The following CNTN5 variants were observed in gnomAD, a reference collection of about 807,000 sequenced individuals.
CNTN5 encodes contactin-5.
Under a neutral mutation model 129.1 loss-of-function variants are expected in CNTN5, and 77 were observed. The ratio of observed to expected loss-of-function variants is 0.60; its 90% CI spans 0.50 to 0.72. The LOEUF (loss-of-function observed/expected upper bound fraction) is 0.72, where lower values mean the gene tolerates loss of function less well. Among genes scored for constraint, CNTN5 ranks in the 30% least tolerant of loss-of-function variants. CNTN5 has a pLI of 0.00. For synonymous variants in CNTN5, 509 were observed against 465.6 expected (o/e 1.09, Z -1.20); for missense variants, 1,478 against 1,328.8 (o/e 1.11, Z -1.75).
chr11:99,253,345 C>G (rs1015500516), intron 1 of CNTN5, among the ~76,000 whole-genome samples: 4 of 152,052 alleles, frequency 2.6e-5, no homozygotes, highest in Non-Finnish European at 4.4e-5. Context: ...TATAAATTAC[C>G]CAGTCTCAGA....
At chr11:100,343,044 A>G (rs1449905522) in intron 23 of CNTN5, among the ~76,000 whole-genome samples, 1 of 152,202 alleles carries the variant, frequency 6.6e-6, no homozygotes, top group Non-Finnish European at 1.5e-5. Flanking sequence ...TCATTAAAAA[A>G]CAGATACCAT....
intron 23 of CNTN5, among the ~76,000 whole-genome samples, chr11:100,347,939 AC>A (rs1952322757): frequency 6.6e-6 from 1 of 152,052 alleles, no homozygotes; most frequent in African/African-American, 2.4e-5. Flanking sequence ...TCAATATTCT[AC>A]TACCATCAAA....
At chr11:99,864,959 C>A (rs1446923117) in intron 6 of CNTN5, among the ~76,000 whole-genome samples, 1 of 152,112 alleles carries the variant, frequency 6.6e-6, no homozygotes, top group Non-Finnish European at 1.5e-5. Context: ...CAATCATTGG[C>A]ATATAATAAA....
Position 100,027,039 on chromosome 11 carries a change from T to C in CNTN5, c.980+24903T>C, listed in dbSNP as rs75539134. ...GGATTTAAAAAAAAAATCTCTTCCA[T>C]AGTTGTACTTAACATGTTAAGTATT... is the stretch of plus-strand genomic sequence containing the variant. On this transcript the variant is annotated intron_variant, in intron 9 of 24. Coordinates refer to ENST00000524871, the MANE Select transcript of CNTN5 (RefSeq NM_014361.4). Among the ~76,000 whole-genome samples, 921 of 152,242 alleles carry C rather than the reference T, an allele frequency of 6.0e-3. 13 individuals carry two copies. The highest frequency in any genetic ancestry group is 0.021 in the African/African-American group (866 of 41,566).
intron 3 of CNTN5, among the ~76,000 whole-genome samples, chr11:99,771,694 A>G (rs955756497): frequency 6.6e-6 from 1 of 152,020 alleles, no homozygotes; most frequent in African/African-American, 2.4e-5. Flanking sequence ...AATCAATTAG[A>G]AGATGACCAC....
At chr11:99,648,297 G>T (rs1274177725) in intron 3 of CNTN5, among the ~76,000 whole-genome samples, 2 of 151,752 alleles carry the variant, frequency 1.3e-5, no homozygotes, top group African/African-American at 4.8e-5. Flanking sequence ...CATGGTTTTG[G>T]CCAATAAATT....
chr11:99,136,179 A>G (rs951056490), intron 1 of CNTN5, among the ~76,000 whole-genome samples: 3 of 151,980 alleles, frequency 2.0e-5, no homozygotes, highest in Non-Finnish European at 4.4e-5. Flanking sequence ...CTAAATTACC[A>G]TTTGTGTCCT....
Position 100,341,101 on chromosome 11 carries a change from C to G in CNTN5, c.2926C>G (p.Gln976Glu). ...CACTTTTTATTTTGCAGCTCCTAGT[C>G]AAGCACCTAGCAACCTCAGGTGGGA... The part of the protein sequence containing the change: ...SATTKKSPPS[Q>E]APSNLRWEQQ... Residue 976 changes from glutamine (Q) to glutamate (E), a missense_variant, in exon 23 of 25, where the codon CAA (glutamine) becomes GAA (glutamate). Gln to Glu is a conservative substitution (Grantham distance 29). Transcript: ENST00000524871. 1 of 1,612,502 alleles carries G rather than the reference C, an allele frequency of 6.2e-7. No homozygotes were observed. Among genetic ancestry groups the G allele is most frequent in the Non-Finnish European group, 8.5e-7 (1 of 1,178,580 alleles).
At chr11:99,697,077 A>G (rs898174461) in intron 3 of CNTN5, among the ~76,000 whole-genome samples, 2 of 152,002 alleles carry the variant, frequency 1.3e-5, no homozygotes, top group African/African-American at 4.8e-5. Flanking sequence ...AAAAAATAGT[A>G]TGAATTAATA....
chr11:99,591,082 G>T (rs1949964052), intron 3 of CNTN5, among the ~76,000 whole-genome samples: 1 of 152,088 alleles, frequency 6.6e-6, no homozygotes, highest in Non-Finnish European at 1.5e-5. Context: ...TGCTGCCTTT[G>T]ATGTAACATC....
At chr11:99,407,442 C>T (rs926092877) in intron 2 of CNTN5, among the ~76,000 whole-genome samples, 1 of 64,774 alleles carries the variant, frequency 1.5e-5, no homozygotes, top group Non-Finnish European at 2.6e-5. Flanking sequence ...AAGGCAAAGT[C>T]CTTCCACTCT....
chr11:99,338,969 T>TTGTG (rs201548132), intron 2 of CNTN5, among the ~76,000 whole-genome samples: 7 of 86,444 alleles, frequency 8.1e-5, no homozygotes, highest in South Asian at 4.1e-4. Context: ...ATGTGTGTGT[T>TTGTG]TGTGTGTGTG....
chr11:99,532,947 G>T (rs1257867569), intron 2 of CNTN5, among the ~76,000 whole-genome samples: 4 of 152,236 alleles, frequency 2.6e-5, no homozygotes, highest in African/African-American at 7.2e-5. Context: ...TTGGGGCTGG[G>T]CACGGTGGCT....
chr11:99,222,503 T>G (rs891240068), intron 1 of CNTN5, among the ~76,000 whole-genome samples: 7 of 152,066 alleles, frequency 4.6e-5, no homozygotes, highest in Non-Finnish European at 1.0e-4. Context: ...ATGATTAAAA[T>G]AGAATTTTCA....
chr11:99,979,833 C>T (rs1938221820), intron 8 of CNTN5, among the ~76,000 whole-genome samples: 1 of 152,136 alleles, frequency 6.6e-6, no homozygotes, highest in African/African-American at 2.4e-5. Flanking sequence ...CATTATTCAT[C>T]ATTGTGGAGA....
intron 3 of CNTN5, among the ~76,000 whole-genome samples, chr11:99,645,558 A>G (rs1054519259): frequency 2.6e-5 from 4 of 152,110 alleles, no homozygotes; most frequent in Non-Finnish European, 5.9e-5. Flanking sequence ...CCAAATGTCC[A>G]TTAATGATAG....
chr11:99,234,480 T>C (rs994336500), intron 1 of CNTN5, among the ~76,000 whole-genome samples: 5 of 152,184 alleles, frequency 3.3e-5, no homozygotes, highest in African/African-American at 1.2e-4. Flanking sequence ...TTGTTACTTT[T>C]ATTAAGTTCT....
intron 1 of CNTN5, among the ~76,000 whole-genome samples, chr11:99,183,625 T>G (rs1450785702): frequency 6.6e-6 from 1 of 152,118 alleles, no homozygotes; most frequent in Non-Finnish European, 1.5e-5. Flanking sequence ...ACCCCTAAAG[T>G]GCTGGTATTC....
intron 3 of CNTN5, among the ~76,000 whole-genome samples, chr11:99,767,267 A>C (rs1350973316): frequency 6.6e-6 from 1 of 152,112 alleles, no homozygotes; most frequent in Non-Finnish European, 1.5e-5. Context: ...CACTTGTAAA[A>C]CTAATGCCAA....
Sources: allele counts gnomAD v4.1 joint callset (sites outside exome capture counted in the v4.1 genomes callset), GRCh38; gene constraint gnomAD v4.1.1; transcripts MANE v1.5; gene names NCBI Gene and HGNC (gene_info 2026-07-23, HGNC 2026-07-21).